RHPN1: variants seen among roughly 807,000 people sequenced by gnomAD.
RHPN1 encodes the protein rhophilin Rho GTPase binding protein 1.
RHPN1 carries 77 observed loss-of-function variants against 74.7 expected under a neutral mutation model. That is an observed-to-expected ratio of 1.03 (90% CI 0.86 to 1.25). The LOEUF (loss-of-function observed/expected upper bound fraction) is 1.25. Ranked by LOEUF, RHPN1 falls within the 50% of genes most tolerant of loss-of-function variation. The pLI, the probability that RHPN1 is intolerant of heterozygous loss-of-function variation, is 0.00. For missense variants in RHPN1, 987 were observed against 932.2 expected (o/e 1.06, Z -0.77); for synonymous variants, 444 against 414.5 (o/e 1.07, Z -0.87).
chr8:143,381,797 C>T lies in RHPN1; in HGVS notation c.1636-10C>T, dbSNP rs764035813. On this transcript the variant is annotated splice_polypyrimidine_tract_variant and intron_variant, in intron 13 of 14. Transcript: ENST00000289013. Reference sequence around the variant, plus strand: ...CCTGTCCCCACCTCACCGTCCAAGTCTCCCCACAGGCGGCTGGCCTGAAGG... The same window carrying T: ...CCTGTCCCCACCTCACCGTCCAAGTTTCCCCACAGGCGGCTGGCCTGAAGG... The T allele has an allele frequency of 6.2e-7, 1 of 1,611,150 alleles. No homozygotes were observed. The highest frequency in any genetic ancestry group is 1.1e-5 in the South Asian group (1 of 90,620).
upstream of RHPN1, among the ~76,000 whole-genome samples, chr8:143,365,536 T>A (rs1360087456): frequency 6.6e-6 from 1 of 152,218 alleles, no homozygotes; most frequent in South Asian, 2.1e-4. Context: ...CTCACAGCCA[T>A]TGGGCCTTGG....
At position 143,378,357 on chromosome 8, in the gene RHPN1, C is replaced by CCCCA; in HGVS notation, c.459+14_459+15insACCC. 2.0e-6 allele frequency: 3 copies of CCCCA among 1,520,942 alleles called. No individual in the cohort carries two copies. The highest frequency in any genetic ancestry group is 1.2e-5 in the South Asian group (1 of 83,420). The allele number at this position is 1,520,942 out of a possible 1,614,324, so 94.2% of individuals were successfully genotyped here. ...GAGGCCCTGCGGCAGGTGTGTGGTT[C>CCCCA]CCCCGCCCACCCACCCTCCTGCAGC... On this transcript the variant is annotated intron_variant, in intron 5 of 14. Transcript: ENST00000289013.
Position 143,378,356 on chromosome 8 carries a change from T to TCCCA in RHPN1, c.459+13_459+14insACCC. 21 of 1,525,434 alleles carry TCCCA rather than the reference T, an allele frequency of 1.4e-5. No homozygotes were observed. In the South Asian group the frequency reaches 1.4e-4, roughly 10 times the overall value. The allele number at this position is 1,525,434 out of a possible 1,614,324, so 94.5% of individuals were successfully genotyped here. A position where few individuals can be genotyped will look rare whatever the true frequency, so the allele number is the denominator to read the frequency against. On this transcript the variant is annotated intron_variant, in intron 5 of 14. Transcript: ENST00000289013. ...GGAGGCCCTGCGGCAGGTGTGTGGT[T>TCCCA]CCCCCGCCCACCCACCCTCCTGCAG...
intron 5 of RHPN1, 112 bp from the exon 6 acceptor site, chr8:143,378,584 C>G (rs370620401): frequency 7.2e-7 from 1 of 1,398,502 alleles, no homozygotes; most frequent in Non-Finnish European, 9.6e-7. Flanking sequence ...CAGGGCCCCA[C>G]TGGCTTTGCC....
chr8:143,379,648 G>C, intron 8 of RHPN1, 140 bp downstream of exon 8: 1 of 1,444,144 alleles, frequency 6.9e-7, no homozygotes, highest in Non-Finnish European at 9.1e-7. Flanking sequence ...TCCCTGGGGG[G>C]GCTGGTCAGG....
chr8:143,381,474 G>A (rs899642539), intron 12 of RHPN1, 98 bp from the exon 13 acceptor site: 11 of 1,481,010 alleles, frequency 7.4e-6, no homozygotes, highest in Admixed American at 4.1e-5. Flanking sequence ...GGAACCCCAC[G>A]GTGTCCCTCG....
In RHPN1 at chr8:143,379,405, T is replaced by TGGCCCA. The variant is rs768678884; in HGVS notation, c.851_856dup (p.Ala284_Gln285dup). The TGGCCCA allele has an allele frequency of 6.3e-7, 1 of 1,590,494 alleles. No individual in the cohort carries two copies. Among genetic ancestry groups the TGGCCCA allele is most frequent in the South Asian group, 1.1e-5 (1 of 87,628 alleles). On this transcript the variant is annotated inframe_insertion, in exon 8 of 15. Transcript: ENST00000289013. ...CTCTGCGCACTGGAGCAGCTCATGATGGCCCAGGCCCAGGAATGTGTGTTT... is the reference window on the plus strand; with the variant it reads ...CTCTGCGCACTGGAGCAGCTCATGATGGCCCAGGCCCAGGCCCAGGAATGTGTGTTT...
chr8:143,377,559 C>G (rs1285270144), intron 4 of RHPN1, 104 bp downstream of exon 4: 1 of 775,384 alleles, frequency 1.3e-6, no homozygotes, highest in Non-Finnish European at 2.1e-6. Flanking sequence ...GATAGGGAAA[C>G]TGAGGCCCAG....
upstream of RHPN1, among the ~76,000 whole-genome samples, chr8:143,365,258 T>A (rs1586793248): frequency 6.6e-6 from 1 of 152,098 alleles, no homozygotes; most frequent in Non-Finnish European, 1.5e-5. Context: ...CATCAAATCA[T>A]CAACTTTTAG....
In RHPN1 at chr8:143,381,836, T is replaced by C. The variant is rs373574715; in HGVS notation, c.1665T>C (p.Ile555=). 30 of 1,613,032 alleles carry C rather than the reference T, an allele frequency of 1.9e-5. No individual in the cohort carries two copies. Among genetic ancestry groups the C allele is most frequent in the African/African-American group, 1.6e-4 (12 of 75,050 alleles). Residue 555 remains isoleucine, a synonymous_variant, in exon 14 of 15, where the codon ATT becomes ATC. Transcript: ENST00000289013. ...CTGGCCTGAAGGAGGGCGACTACATTGTGTCAGTGAATGGGCAGCCATGCA... is the reference window on the plus strand; with the variant it reads ...CTGGCCTGAAGGAGGGCGACTACATCGTGTCAGTGAATGGGCAGCCATGCA... The part of the protein sequence containing the change: ...AAAGLKEGDY[I]VSVNGQPCRW...
At chr8:143,375,428 G>C (rs1335762755) in intron 1 of RHPN1, 125 bp from the exon 2 acceptor site, 1 of 627,328 alleles carries the variant, frequency 1.6e-6, no homozygotes, top group East Asian at 2.9e-5. Flanking sequence ...GCCAGCTCCA[G>C]CCCCAGCGCA....
intron 1 of RHPN1, among the ~76,000 whole-genome samples, chr8:143,370,929 T>C (rs1586801182): frequency 6.6e-6 from 1 of 152,130 alleles, no homozygotes; most frequent in African/African-American, 2.4e-5. Flanking sequence ...GAGCAGCAGG[T>C]GGGCAGGGTG....
Position 143,380,782 on chromosome 8 carries a change from G to T in RHPN1, c.1410G>T (p.Gln470His), listed in dbSNP as rs1229796101. ...FCEAAEAPDI[Q>H]PKTHQKPEAR... ...AGGCTGCCGAGGCCCCGGACATCCA[G>T]CGTGAGCAGCCAGGGCCTGTCTGGG... Residue 470 changes from glutamine (Q) to histidine (H), a missense_variant and splice_region_variant, in exon 11 of 15, where the codon CAG becomes CAT. By Grantham distance (24) the Gln-to-His change is conservative. Coordinates refer to ENST00000289013, the MANE Select transcript of RHPN1 (RefSeq NM_052924.3). 6.4e-7 allele frequency: 1 copy of T among 1,563,058 alleles called. No homozygotes were observed. The highest frequency in any genetic ancestry group is 8.7e-7 in the Non-Finnish European group (1 of 1,151,200).
chr8:143,375,814 C>T, intron 2 of RHPN1, 146 bp downstream of exon 2: 2 of 607,044 alleles, frequency 3.3e-6, no homozygotes, highest in East Asian at 3.0e-5. Context: ...ACGTAGTACA[C>T]GTGATGCTCA....
chr8:143,372,030 C>T (rs978083712), intron 1 of RHPN1, among the ~76,000 whole-genome samples: 1 of 152,194 alleles, frequency 6.6e-6, no homozygotes, highest in African/African-American at 2.4e-5. Context: ...GGGAGCACTG[C>T]GGGTAGGGAG....
chr8:143,375,683 C>A lies in RHPN1; in HGVS notation c.176+15C>A, dbSNP rs1178785985. ...AACCTCTACAGGTCAGTGCTTGAGA[C>A]TGCCCGGCCCCGGGAGCAGGGCCCA... On this transcript the variant is annotated intron_variant, in intron 2 of 14. Coordinates refer to ENST00000289013, the MANE Select transcript of RHPN1 (RefSeq NM_052924.3). 6 of 1,584,496 alleles carry A rather than the reference C, an allele frequency of 3.8e-6. No homozygotes were observed. In the East Asian group the frequency reaches 9.1e-5, roughly 24 times the overall value.
chr8:143,380,462 G>A (rs553171386), intron 10 of RHPN1, 127 bp from the exon 11 acceptor site: 32 of 871,444 alleles, frequency 3.7e-5, no homozygotes, highest in South Asian at 3.3e-4. Context: ...CCTCACCCCC[G>A]TGGCGCGCAC....
At position 143,369,005 on chromosome 8, in the gene RHPN1, G is replaced by A; in HGVS notation, c.18G>A (p.Arg6=). The part of the protein sequence containing the change: MILEE[R]PDGAGAGEES... The stretch of plus-strand genomic sequence containing the variant: ...GTGCGGCGATGATCCTGGAGGAGAG[G>A]CCGGACGGCGCGGGCGCCGGCGAGG... Residue 6 remains arginine (R), a synonymous_variant, in exon 1 of 15, where the codon AGG becomes AGA. Coordinates refer to ENST00000289013, the MANE Select transcript of RHPN1 (RefSeq NM_052924.3). 1 of 1,496,590 alleles carries A rather than the reference G, an allele frequency of 6.7e-7. No individual in the cohort carries two copies. The allele number at this position is 1,496,590 out of a possible 1,614,324, so 92.7% of individuals were successfully genotyped here. A position where few individuals can be genotyped will look rare whatever the true frequency, so the allele number is the denominator to read the frequency against.
rs766403630 is a variant in RHPN1 at position 143,381,322 on chromosome 8, G to A, written c.1466G>A (p.Gly489Glu). ...ATGCCACGCCTGTCCCAGGGGAAGGGGCCTGACATCTTCCATCGGCTGGTG... is the reference window on the plus strand; with the variant it reads ...ATGCCACGCCTGTCCCAGGGGAAGGAGCCTGACATCTTCCATCGGCTGGTG... ...ARMPRLSQGK[G>E]PDIFHRLGPL... The change falls in exon 12 of 15, where the codon GGG becomes GAG. Residue 489 changes from glycine to glutamate, a missense_variant. Gly to Glu is a moderately conservative substitution (Grantham distance 98). Coordinates refer to ENST00000289013, the MANE Select transcript of RHPN1 (RefSeq NM_052924.3). 1.2e-6 allele frequency: 2 copies of A among 1,612,330 alleles called. No individual in the cohort carries two copies. Among genetic ancestry groups the A allele is most frequent in the South Asian group, 1.1e-5 (1 of 90,784 alleles).
Sources: allele counts gnomAD v4.1 joint callset (sites outside exome capture counted in the v4.1 genomes callset), GRCh38; gene constraint gnomAD v4.1.1; transcripts MANE v1.5; gene names NCBI Gene and HGNC (gene_info 2026-07-23, HGNC 2026-07-21).